Variants in ODAD2 observed in about 807,000 individuals in gnomAD.
The protein encoded by ODAD2 is outer dynein arm docking complex subunit 2.
A neutral mutation model predicts 106.8 loss-of-function variants in ODAD2; 89 were observed. The observed-to-expected ratio is 0.83, with a 90% CI of 0.70 to 0.99. The LOEUF (loss-of-function observed/expected upper bound fraction) is 0.99. Among genes scored for constraint, ODAD2 ranks in the 50% least tolerant of loss-of-function variants. The probability of loss-of-function intolerance (pLI) is 0.00; values close to 1 mark genes in which losing one functional copy is unlikely to be tolerated. For synonymous variants in ODAD2, 404 were observed against 436.2 expected (o/e 0.93, Z 0.92); for missense variants, 1,168 against 1,238.5 (o/e 0.94, Z 0.85).
At chr10:27,915,419 G>A (rs1245337265) in intron 16 of ODAD2, among the ~76,000 whole-genome samples, 5 of 152,036 alleles carry the variant, frequency 3.3e-5, no homozygotes, top group African/African-American at 7.2e-5. Context: ...CATGGTAGAA[G>A]GGGCAAAGGA....
intron 19 of ODAD2, among the ~76,000 whole-genome samples, chr10:27,832,875 G>A (rs1270502687): frequency 6.6e-6 from 1 of 152,086 alleles, no homozygotes; most frequent in African/African-American, 2.4e-5. Context: ...AGCAGCTACT[G>A]AGAAAATTAT....
chr10:27,977,257 G>C (rs1017420606), intron 7 of ODAD2, among the ~76,000 whole-genome samples: 2 of 152,000 alleles, frequency 1.3e-5, no homozygotes, highest in Non-Finnish European at 2.9e-5. Flanking sequence ...GAAAGACATT[G>C]CTTAGAGAAT....
At chr10:27,993,572 C>T (rs562874849) in intron 2 of ODAD2, among the ~76,000 whole-genome samples, 53 of 152,076 alleles carry the variant, frequency 3.5e-4, no homozygotes, top group African/African-American at 1.2e-3. Flanking sequence ...ATTGCTTGAA[C>T]CAGAGAGGTG....
chr10:27,983,909 C>T lies in ODAD2; in HGVS notation c.753G>A (p.Leu251=). The T allele has an allele frequency of 6.2e-7, 1 of 1,608,096 alleles. No individual in the cohort carries two copies. Among genetic ancestry groups the T allele is most frequent in the Non-Finnish European group, 8.5e-7 (1 of 1,178,678 alleles). The change falls in exon 6 of 20, where the codon CTG becomes CTA. Residue 251 remains leucine, a synonymous_variant. Coordinates refer to ENST00000305242, the MANE Select transcript of ODAD2 (RefSeq NM_018076.5). ...GAGTCTCACCATCGTGAGGTTTCAC[C>T]AGCACATAACAAATTTCCCCACGAA... ...RQIRGEICYV[L]VKPHDGETLC...
intron 19 of ODAD2, among the ~76,000 whole-genome samples, chr10:27,854,086 T>G (rs1378632076): frequency 6.6e-6 from 1 of 152,172 alleles, no homozygotes; most frequent in East Asian, 1.9e-4. Flanking sequence ...GTGAACACTT[T>G]GCCCGAGGAG....
At chr10:27,877,020 C>T (rs1265178432) in intron 17 of ODAD2, among the ~76,000 whole-genome samples, 3 of 151,930 alleles carry the variant, frequency 2.0e-5, no homozygotes. Context: ...GGGATATAGG[C>T]TCATGTCTAT....
chr10:27,815,667 T>A lies in ODAD2; in HGVS notation c.3022-3042A>T, dbSNP rs370639587. 1.2e-4 allele frequency among the ~76,000 whole-genome samples: 18 copies of A among 152,326 alleles called. No homozygotes were observed. In the South Asian group the frequency reaches 3.7e-3, roughly 32 times the overall value. On this transcript the variant is annotated intron_variant, in intron 19 of 19. Transcript: ENST00000305242. ...TATCCATTCATTCTCATCTTCTCAA[T>A]CTTCATCCATGGCTCTGTCTGCTTC...
chr10:27,971,120 A>G lies in ODAD2; in HGVS notation c.1130T>C (p.Val377Ala), dbSNP rs1299078323. The G allele has an allele frequency of 1.9e-6, 3 of 1,612,824 alleles. No individual in the cohort carries two copies. The highest frequency in any genetic ancestry group is 3.3e-5 in the Admixed American group (2 of 59,986). ...AATATCTACATACCCTTTGTAATTA[A>G]CAGTGGTCTTCCAGTTTAAGCTTGG... ...WEPSLNWKTT[V>A]NYKGKGSAKE... The change falls in exon 8 of 20, where the codon GTT becomes GCT. Residue 377 changes from valine (V) to alanine (A), a missense_variant. Val to Ala is a moderately conservative substitution (Grantham distance 64, BLOSUM62 0). This residue lies in a region of ODAD2 where 430 missense variants were observed against 452.2 expected (regional missense o/e 0.95). Coordinates refer to ENST00000305242, the MANE Select transcript of ODAD2 (RefSeq NM_018076.5).
intron 19 of ODAD2, among the ~76,000 whole-genome samples, chr10:27,844,441 C>A (rs905772786): frequency 6.6e-6 from 1 of 152,134 alleles, no homozygotes; most frequent in Non-Finnish European, 1.5e-5. Flanking sequence ...CAACCAGGCT[C>A]AGTCCTTCAG....
Position 27,994,919 on chromosome 10 carries a change from C to G in ODAD2, c.224G>C (p.Ser75Thr), listed in dbSNP as rs1426830702. 4 of 1,613,796 alleles carry G rather than the reference C, an allele frequency of 2.5e-6. No homozygotes were observed. Among genetic ancestry groups the G allele is most frequent in the Admixed American group, 3.3e-5 (2 of 59,976 alleles). Reference sequence around the variant, plus strand: ...TCCTAGAAGCAAGTAACTGGCTTACCTGACAACATAACCTGATTCAAATGC... The same window carrying G: ...TCCTAGAAGCAAGTAACTGGCTTACGTGACAACATAACCTGATTCAAATGC... The part of the protein sequence containing the change: ...PSAFESGYVV[S>T]ETTVKSEEVD... Residue 75 changes from serine (S) to threonine (T), a missense_variant and splice_region_variant, in exon 2 of 20, where the codon AGT (serine) becomes ACT (threonine). Physicochemically the swap from Ser to Thr is moderately conservative, Grantham distance 58 (BLOSUM62 1). Coordinates refer to ENST00000305242, the MANE Select transcript of ODAD2 (RefSeq NM_018076.5).
At chr10:27,899,240 G>A (rs1271707241) in intron 17 of ODAD2, among the ~76,000 whole-genome samples, 1 of 151,954 alleles carries the variant, frequency 6.6e-6, no homozygotes. Flanking sequence ...CAAGGGAAGG[G>A]GGAGTGTGGG....
chr10:27,907,888 ATT>A (rs3839908), intron 16 of ODAD2, 111 bp from the exon 17 acceptor site: 2,837 of 573,646 alleles, frequency 4.9e-3, no homozygotes, highest in South Asian at 7.0e-3. Flanking sequence ...TTTGCTTAGA[ATT>A]TTTTTTTTTT....
In ODAD2 at chr10:27,907,888, AT is replaced by A. The variant is rs3839908; in HGVS notation, c.2496-112del. On this transcript the variant is annotated intron_variant, in intron 16 of 19. Transcript: ENST00000305242. ...TTCTCCTTTTGATATTTTGCTTAGA[AT>A]TTTTTTTTTTTTTGCAAAACTTCAT... The A allele has an allele frequency of 0.15, 85,010 of 562,070 alleles. 9 individuals carry two copies. The highest frequency in any genetic ancestry group is 0.21 in the South Asian group (7,722 of 37,418). The allele number at this position is 562,070 out of a possible 1,614,324, so 34.8% of individuals were successfully genotyped here.
rs76981190 is a variant in ODAD2 at position 27,915,151 on chromosome 10, C to T, written c.2496-7374G>A. Among the ~76,000 whole-genome samples, 1,522 of 152,224 alleles carry T rather than the reference C, an allele frequency of 1.0e-2. 23 individuals carry two copies. Among genetic ancestry groups the T allele is most frequent in the African/African-American group, 0.035 (1,443 of 41,534 alleles). ...TAAATGAAAGTAAAAACCACACCTA[C>T]ACACATCATAATCAAATGGCTGAAA... On this transcript the variant is annotated intron_variant, in intron 16 of 19. Transcript: ENST00000305242.
At position 27,993,959 on chromosome 10, in the gene ODAD2, A is replaced by AATATATAT. The variant is rs33977457; in HGVS notation, c.224+952_224+959dup. ...GGTGCAAAATAAACTGAGGCTGGCA[A>AATATATAT]ATATATATATATATATGTGTGTGTG... On this transcript the variant is annotated intron_variant, in intron 2 of 19. Transcript: ENST00000305242. Among the ~76,000 whole-genome samples the AATATATAT allele has an allele frequency of 9.2e-3, 1,197 of 129,596 alleles. 9 individuals are homozygous for AATATATAT. The highest frequency in any genetic ancestry group is 0.016 in the Middle Eastern group (4 of 258). The allele number at this position is 129,596 out of a possible 152,430, so 85.0% of individuals were successfully genotyped here.
At chr10:27,983,533 G>A (rs967633856) in intron 6 of ODAD2, among the ~76,000 whole-genome samples, 2 of 152,000 alleles carry the variant, frequency 1.3e-5, no homozygotes, top group African/African-American at 4.8e-5. Flanking sequence ...TTTCTTTTTT[G>A]ACCTTTCTAT....
At chr10:27,921,169 C>T (rs1438288805) in intron 16 of ODAD2, among the ~76,000 whole-genome samples, 1 of 151,846 alleles carries the variant, frequency 6.6e-6, no homozygotes, top group East Asian at 1.9e-4. Flanking sequence ...ATACCTGTTC[C>T]TTAATTTCCT....
chr10:27,869,864 G>C (rs1417627630), intron 17 of ODAD2, among the ~76,000 whole-genome samples: 3 of 152,060 alleles, frequency 2.0e-5, no homozygotes, highest in Non-Finnish European at 4.4e-5. Context: ...GAAAGAATAA[G>C]ACATTATCAT....
At chr10:27,971,020 AAAAT>A in intron 8 of ODAD2, 84 bp downstream of exon 8, 2 of 558,916 alleles carry the variant, frequency 3.6e-6, no homozygotes, top group Non-Finnish European at 5.8e-6. Flanking sequence ...ACAAACAAAC[AAAAT>A]AAAATAAAAT....
Sources: gnomAD v4.1 joint callset for allele counts (sites outside exome capture counted in the v4.1 genomes callset) on GRCh38, gnomAD v4.1.1 for gene constraint, gnomAD v4.1.1 regional missense constraint, MANE v1.5 for transcripts, NCBI Gene and HGNC (gene_info 2026-07-23, HGNC 2026-07-21) for gene names.